Variants in RNF170 observed in about 807,000 individuals in gnomAD.
RNF170 encodes E3 ubiquitin-protein ligase RNF170.
RNF170 carries 12 observed loss-of-function variants against 32.7 expected under a neutral mutation model. That is an observed-to-expected ratio of 0.37 (90% confidence interval 0.24 to 0.60). The LOEUF is 0.60. Among genes scored for constraint, RNF170 ranks in the 20% least tolerant of loss-of-function variants. The probability of loss-of-function intolerance (pLI) is 0.72; values close to 1 mark genes in which losing one functional copy is unlikely to be tolerated. For synonymous variants in RNF170, 91 were observed against 103.6 expected (o/e 0.88, Z 0.74); for missense variants, 212 against 311.2 (o/e 0.68, Z 2.40).
At chr8:42,863,846 A>G (rs1803860380) in intron 5 of RNF170, among the ~76,000 whole-genome samples, 1 of 152,230 alleles carries the variant, frequency 6.6e-6, no homozygotes, top group Non-Finnish European at 1.5e-5. Context: ...AAAATATGAA[A>G]GAGGCAGAAT....
intron 2 of RNF170, among the ~76,000 whole-genome samples, chr8:42,883,497 A>T (rs1805575899): frequency 7.5e-6 from 1 of 132,618 alleles, no homozygotes; most frequent in Non-Finnish European, 1.6e-5. Flanking sequence ...TGAACCCGGG[A>T]GGCGGAGCTT....
rs751262065 is a variant in RNF170, at chr8:42,856,230, CAAAG to C, written c.702_705del (p.Phe234LeufsTer17). ...ATGTAGATAAGCAATAAAAAGATGA[CAAAG>C]AAATCATCTAGAAAGCCTAGAATTC... On this transcript the variant is annotated frameshift_variant, in exon 7 of 7. Coordinates refer to ENST00000527424, the MANE Select transcript of RNF170 (RefSeq NM_030954.4). LOFTEE classifies it high-confidence loss of function. The C allele has an allele frequency of 8.1e-6, 13 of 1,610,898 alleles. No homozygotes were observed. Among genetic ancestry groups the C allele is most frequent in the Admixed American group, 3.4e-5 (2 of 59,548 alleles).
At chr8:42,886,771 C>T (rs1425332591) in intron 2 of RNF170, among the ~76,000 whole-genome samples, 1 of 152,096 alleles carries the variant, frequency 6.6e-6, no homozygotes. Flanking sequence ...ACCTGTAGTC[C>T]CAGCAACCTG....
intron 2 of RNF170, among the ~76,000 whole-genome samples, chr8:42,881,886 A>C (rs956686040): frequency 6.6e-6 from 1 of 152,158 alleles, no homozygotes; most frequent in African/African-American, 2.4e-5. Flanking sequence ...AGTGAGCCAT[A>C]ATCACGCCAC....
chr8:42,890,225 T>G (rs1806180958), intron 1 of RNF170, among the ~76,000 whole-genome samples: 1 of 149,798 alleles, frequency 6.7e-6, no homozygotes, highest in Non-Finnish European at 1.5e-5. Context: ...TAATATATAT[T>G]ATATATAAAT....
intron 5 of RNF170, among the ~76,000 whole-genome samples, chr8:42,862,184 G>T (rs917538399): frequency 6.6e-5 from 10 of 152,266 alleles, no homozygotes; most frequent in Admixed American, 2.0e-4. Context: ...CAGGAGGAAA[G>T]TGACATAAAA....
At chr8:42,886,614 C>T (rs559835748) in intron 2 of RNF170, among the ~76,000 whole-genome samples, 16 of 152,148 alleles carry the variant, frequency 1.1e-4, no homozygotes, top group African/African-American at 3.6e-4. Flanking sequence ...TTAGTAGAGA[C>T]GAGGGTTTCA....
chr8:42,897,251 A>T (rs1352462445), upstream of RNF170: 17 of 1,118,950 alleles, frequency 1.5e-5, no homozygotes, highest in African/African-American at 6.5e-5. Flanking sequence ...GGGACCCTCC[A>T]CGCGCGGCCC....
intron 6 of RNF170, among the ~76,000 whole-genome samples, chr8:42,859,508 T>A (rs1286367845): frequency 6.6e-6 from 1 of 152,090 alleles, no homozygotes; most frequent in East Asian, 1.9e-4. Flanking sequence ...ACCCCTGTGG[T>A]CCCAGCTACT....
chr8:42,876,586 C>T (rs915613663), intron 2 of RNF170, among the ~76,000 whole-genome samples: 2 of 152,048 alleles, frequency 1.3e-5, no homozygotes, highest in African/African-American at 4.8e-5. Flanking sequence ...GACCTCCCAG[C>T]CTCTCGAACT....
At chr8:42,893,957 C>T (rs1373295395) in intron 1 of RNF170, among the ~76,000 whole-genome samples, 2 of 152,204 alleles carry the variant, frequency 1.3e-5, no homozygotes, top group East Asian at 3.9e-4. Flanking sequence ...ACTCACCTCT[C>T]CTCAGGCATT....
chr8:42,876,607 A>T (rs1450746073), intron 2 of RNF170, among the ~76,000 whole-genome samples: 1 of 151,748 alleles, frequency 6.6e-6, no homozygotes, highest in Non-Finnish European at 1.5e-5. Context: ...GTGAGAAATA[A>T]ATGTTTATTG....
rs1806914703 is a variant in RNF170, at chr8:42,896,528, G to GGACA, written c.-56_-53dup. 1 of 453,808 alleles carries GGACA rather than the reference G, an allele frequency of 2.2e-6. No homozygotes were observed. The highest frequency in any genetic ancestry group is 4.4e-6 in the Non-Finnish European group (1 of 226,718). 28.1% of individuals were successfully genotyped at this position (453,808 alleles called of 1,614,324 possible). On this transcript the variant is annotated 5_prime_UTR_variant, in exon 1 of 7. Transcript: ENST00000527424. ...TACCTCGCCAGTTCCCGGCGACAGA[G>GGACA]GACAGATTATTTCCAGGACCGCTCC...
chr8:42,880,493 C>T (rs1359630185), intron 2 of RNF170, among the ~76,000 whole-genome samples: 1 of 152,154 alleles, frequency 6.6e-6, no homozygotes, highest in East Asian at 1.9e-4. Flanking sequence ...AATTGCCAGC[C>T]AGGCGCAGTG....
upstream of RNF170, chr8:42,897,263 T>G (rs113969303): frequency 0.026 from 26,665 of 1,039,426 alleles, 656 homozygotes; most frequent in African/African-American, 0.12. Flanking sequence ...GCGCGGCCCG[T>G]GGGGCGAGCG....
At chr8:42,859,363 C>T (rs1003161118) in intron 6 of RNF170, among the ~76,000 whole-genome samples, 2 of 150,982 alleles carry the variant, frequency 1.3e-5, no homozygotes, top group Admixed American at 1.3e-4. Context: ...AGGCTGGGCA[C>T]GGTGGCTCAC....
At chr8:42,887,067 T>G (rs772211336) in intron 2 of RNF170, among the ~76,000 whole-genome samples, 114 of 151,902 alleles carry the variant, frequency 7.5e-4, no homozygotes, top group Non-Finnish European at 1.6e-3. Context: ...CTGACGCAGG[T>G]GGATCACCTC....
chr8:42,896,125 G>C (rs925139063), intron 1 of RNF170: 1 of 211,226 alleles, frequency 4.7e-6, no homozygotes, highest in African/African-American at 2.4e-5. Flanking sequence ...ACGCAGGCCC[G>C]GGGTCGGCCG....
At chr8:42,894,450 C>T (rs1178254876) in intron 1 of RNF170, among the ~76,000 whole-genome samples, 1 of 152,174 alleles carries the variant, frequency 6.6e-6, no homozygotes, top group African/African-American at 2.4e-5. Flanking sequence ...TTATACGTCA[C>T]TTAAAAGTGC....
Sources: allele counts gnomAD v4.1 joint callset (sites outside exome capture counted in the v4.1 genomes callset), GRCh38; gene constraint gnomAD v4.1.1; transcripts MANE v1.5; gene names NCBI Gene and HGNC (gene_info 2026-07-23, HGNC 2026-07-21).